The following DLC1 variants were observed in gnomAD, a reference collection of about 807,000 sequenced individuals.
The protein encoded by DLC1 is rho GTPase-activating protein 7.
A neutral mutation model predicts 140.3 loss-of-function variants in DLC1; 54 were observed. The observed-to-expected ratio is 0.38, with a 90% CI of 0.31 to 0.48. The LOEUF (loss-of-function observed/expected upper bound fraction) is 0.48, where lower values mean the gene tolerates loss of function less well. Among genes scored for constraint, DLC1 ranks in the 20% least tolerant of loss-of-function variants. The pLI is 0.96. For synonymous variants in DLC1, 986 were observed against 728.1 expected, an observed-to-expected ratio of 1.35 and a Z score of -5.70; for missense variants, 2,536 against 1,907.0, an observed-to-expected ratio of 1.33 and a Z score of -6.14.
rs893534240 is a variant in DLC1 at position 13,313,905 on chromosome 8, C to G, written c.1315-8603G>C. Reference sequence around the variant, plus strand: ...CCAAACTAGCTATTACTAGGTGGGCCTATTCTTTGTCCTTTTAGGTAAGCC... The same window carrying G: ...CCAAACTAGCTATTACTAGGTGGGCGTATTCTTTGTCCTTTTAGGTAAGCC... On this transcript the variant is annotated intron_variant, in intron 4 of 17. Coordinates refer to ENST00000276297, the MANE Select transcript of DLC1 (RefSeq NM_182643.3). Among the ~76,000 whole-genome samples the G allele has an allele frequency of 2.0e-5, 3 of 152,010 alleles. No individual in the cohort carries two copies. The East Asian group carries it at 5.8e-4, about 29-fold the overall frequency.
intron 1 of DLC1, among the ~76,000 whole-genome samples, chr8:13,596,080 T>C (rs760599821): frequency 3.9e-5 from 6 of 152,012 alleles, no homozygotes; most frequent in Non-Finnish European, 2.9e-5. Flanking sequence ...TAAGTTTCAG[T>C]TGGATTTGTT....
At chr8:13,298,141 C>G (rs111629123) in intron 5 of DLC1, among the ~76,000 whole-genome samples, 43 of 152,292 alleles carry the variant, frequency 2.8e-4, no homozygotes, top group African/African-American at 1.0e-3. Context: ...CTATCCTTCA[C>G]AAGAATTTCA....
chr8:13,597,352 C>T (rs1485862830), intron 1 of DLC1, among the ~76,000 whole-genome samples: 2 of 151,986 alleles, frequency 1.3e-5, no homozygotes, highest in East Asian at 1.9e-4. Context: ...ATTGCTTCTC[C>T]CATTTCTTAC....
intron 5 of DLC1, among the ~76,000 whole-genome samples, chr8:13,168,679 C>G (rs1309269365): frequency 5.9e-5 from 9 of 152,192 alleles, no homozygotes; most frequent in Admixed American, 5.9e-4. Context: ...TTGATCTTCC[C>G]CATGGAATAA....
intron 2 of DLC1, among the ~76,000 whole-genome samples, chr8:13,426,959 C>T (rs1443831973): frequency 1.3e-5 from 2 of 152,150 alleles, no homozygotes; most frequent in African/African-American, 4.8e-5. Context: ...AAGCCTATAA[C>T]TTGCCGTGCT....
rs543098938 is a variant in DLC1 at position 13,506,349 on chromosome 8, T to C, written c.-125-6153A>G. On this transcript the variant is annotated intron_variant, in intron 1 of 17. Transcript: ENST00000276297. ...ATTGACTCTAGGATATTCTATTAAA[T>C]ATCCTGAATATTTAATGGAAGGGAA... Among the ~76,000 whole-genome samples the C allele has an allele frequency of 4.6e-5, 7 of 151,890 alleles. No homozygotes were observed. In the South Asian group the frequency reaches 1.3e-3, roughly 27 times the overall value.
At chr8:13,541,903 C>T (rs1236546949) in intron 1 of DLC1, among the ~76,000 whole-genome samples, 1 of 152,116 alleles carries the variant, frequency 6.6e-6, no homozygotes, top group African/African-American at 2.4e-5. Context: ...AAATATTTTA[C>T]CCAATTTTCT....
At chr8:13,455,275 C>T (rs1799331001) in intron 2 of DLC1, among the ~76,000 whole-genome samples, 1 of 152,178 alleles carries the variant, frequency 6.6e-6, no homozygotes, top group Admixed American at 6.5e-5. Context: ...ATCCATTGCA[C>T]ACAATTGCCT....
Position 13,312,205 on chromosome 8 carries a change from C to T in DLC1, c.1315-6903G>A, listed in dbSNP as rs1452309614. Among the ~76,000 whole-genome samples, 4 of 137,562 alleles carry T rather than the reference C, an allele frequency of 2.9e-5. 1 individual carries two copies. The Admixed American group carries it at 3.0e-4, about 10-fold the overall frequency. 90.2% of individuals were successfully genotyped at this position (137,562 alleles called of 152,430 possible). On this transcript the variant is annotated intron_variant, in intron 4 of 17. Transcript: ENST00000276297. ...TGAAACCCCGTCTCTACTAAAAATA[C>T]AAAAAATTAGCCGGGCGTGGTAGCG...
At chr8:13,087,356 G>C (rs1817652629) in intron 16 of DLC1, among the ~76,000 whole-genome samples, 1 of 152,232 alleles carries the variant, frequency 6.6e-6, no homozygotes, top group Non-Finnish European at 1.5e-5. Context: ...AGCCATGAGT[G>C]TGCCACTGCA....
chr8:13,262,439 C>T (rs1050562277), intron 5 of DLC1, among the ~76,000 whole-genome samples: 1 of 151,494 alleles, frequency 6.6e-6, no homozygotes, highest in Non-Finnish European at 1.5e-5. Context: ...ACTTGACATT[C>T]TAAAGCAATG....
chr8:13,296,391 G>A (rs1312574007), intron 5 of DLC1, among the ~76,000 whole-genome samples: 1 of 152,128 alleles, frequency 6.6e-6, no homozygotes, highest in Non-Finnish European at 1.5e-5. Flanking sequence ...GAGGTCAATG[G>A]CATTGCAAGC....
chr8:13,342,802 C>G (rs1164891085), intron 4 of DLC1: 1 of 151,464 alleles, frequency 6.6e-6, no homozygotes, highest in Non-Finnish European at 1.5e-5. Flanking sequence ...TTCTCTCTCT[C>G]TCGCTTTGCC....
intron 3 of DLC1, among the ~76,000 whole-genome samples, chr8:13,395,419 C>G (rs892688397): frequency 6.6e-6 from 1 of 152,160 alleles, no homozygotes; most frequent in African/African-American, 2.4e-5. Context: ...CGCACCCAGC[C>G]TCTTTATAAT....
chr8:13,379,276 C>G (rs1223440894), intron 4 of DLC1, among the ~76,000 whole-genome samples: 1 of 152,176 alleles, frequency 6.6e-6, no homozygotes, highest in Non-Finnish European at 1.5e-5. Flanking sequence ...CATTCCTGAT[C>G]TGACCGTTTG....
At chr8:13,254,443 A>G (rs1435931445) in intron 5 of DLC1, among the ~76,000 whole-genome samples, 2 of 152,214 alleles carry the variant, frequency 1.3e-5, no homozygotes, top group Admixed American at 1.3e-4. Flanking sequence ...AAAATTTATT[A>G]GAATGCAGAT....
chr8:13,597,251 A>T (rs983280810), intron 1 of DLC1, among the ~76,000 whole-genome samples: 1 of 152,042 alleles, frequency 6.6e-6, no homozygotes, highest in African/African-American at 2.4e-5. Flanking sequence ...GTCAGCTTAT[A>T]TCTCACATTT....
chr8:13,227,557 G>A (rs745751667), intron 5 of DLC1, among the ~76,000 whole-genome samples: 1 of 152,208 alleles, frequency 6.6e-6, no homozygotes, highest in Non-Finnish European at 1.5e-5. Flanking sequence ...ATGCATTGAT[G>A]TAGGGTCTAT....
chr8:13,108,169 T>C (rs2128944377), intron 7 of DLC1, among the ~76,000 whole-genome samples: 1 of 152,328 alleles, frequency 6.6e-6, no homozygotes, highest in South Asian at 2.1e-4. Context: ...TCCATTTATG[T>C]GGACATGTGG....
Sources: allele counts gnomAD v4.1 joint callset (sites outside exome capture counted in the v4.1 genomes callset), GRCh38; gene constraint gnomAD v4.1.1; transcripts MANE v1.5; gene names NCBI Gene and HGNC (gene_info 2026-07-23, HGNC 2026-07-21).